FHL5: variants seen among roughly 807,000 people sequenced by gnomAD.
FHL5 encodes four and a half LIM domains 5, also known as four and a half LIM domains protein 5.
Under a neutral mutation model 32.0 loss-of-function variants are expected in FHL5, and 33 were observed. The observed-to-expected ratio is 1.03, with a 90% CI of 0.78 to 1.38. FHL5 has a LOEUF of 1.38. Ranked by LOEUF, FHL5 falls within the 40% of genes most tolerant of loss-of-function variation. The pLI, the probability that FHL5 is intolerant of heterozygous loss-of-function variation, is 0.00. For missense variants in FHL5, 336 were observed against 343.9 expected, an observed-to-expected ratio of 0.98 and a Z score of 0.18; for synonymous variants, 114 against 113.6, an observed-to-expected ratio of 1.00 and a Z score of -0.02.
rs1413920687 is a variant in FHL5, at chr6:96,617,522, T to C, written c.*1750T>C. Among the ~76,000 whole-genome samples the C allele has an allele frequency of 6.6e-6, 1 of 152,230 alleles. No individual in the cohort carries two copies. The highest frequency in any genetic ancestry group is 6.5e-5 in the Admixed American group (1 of 15,280). The stretch of plus-strand genomic sequence containing the variant: ...TATTTTTGGATTAACAATGCCAAGG[T>C]ATTTTTTCATATTCACATTGAAAAA... On this transcript the variant is annotated 3_prime_UTR_variant, in exon 6 of 6. Transcript: ENST00000450218.
rs1435444934 is a variant in FHL5, at chr6:96,609,941, C to T, written c.505-631C>T. On this transcript the variant is annotated intron_variant, in intron 4 of 5. Transcript: ENST00000450218. ...TTGAGAATATTCAGAAGAGATCATC[C>T]TTAGCACGGTGGTAAGGACTGAAAA... 3.9e-5 allele frequency among the ~76,000 whole-genome samples: 6 copies of T among 152,296 alleles called. No individual in the cohort carries two copies. The East Asian group carries it at 9.7e-4, about 25-fold the overall frequency.
intron 1 of FHL5, among the ~76,000 whole-genome samples, chr6:96,574,481 A>C (rs1034974806): frequency 5.3e-5 from 8 of 152,196 alleles, no homozygotes; most frequent in Non-Finnish European, 1.0e-4. Flanking sequence ...TTTAAATTTC[A>C]TATGTCAAAA....
intron 1 of FHL5, 147 bp downstream of exon 1, chr6:96,563,502 G>A (rs937205966): frequency 1.3e-5 from 2 of 151,904 alleles, no homozygotes; most frequent in African/African-American, 4.8e-5. Flanking sequence ...TATGCCTTTT[G>A]AAGTTTCTTA....
chr6:96,595,143 A>G (rs997433231), intron 1 of FHL5, among the ~76,000 whole-genome samples: 17 of 151,590 alleles, frequency 1.1e-4, no homozygotes, highest in Non-Finnish European at 1.6e-4. Flanking sequence ...CACATTCTTT[A>G]GAATTCCCTT....
intron 4 of FHL5, among the ~76,000 whole-genome samples, chr6:96,608,713 C>A (rs1423586319): frequency 6.6e-6 from 1 of 152,160 alleles, no homozygotes; most frequent in Non-Finnish European, 1.5e-5. Context: ...TTATTGCCCC[C>A]ACTTTTTCAC....
intron 3 of FHL5, 54 bp from the exon 4 acceptor site, chr6:96,605,846 TAA>T: frequency 6.7e-7 from 1 of 1,484,068 alleles, no homozygotes; most frequent in Non-Finnish European, 9.2e-7. Context: ...TGTATTTGCT[TAA>T]AAAATAAAAT....
intron 1 of FHL5, among the ~76,000 whole-genome samples, chr6:96,587,766 C>T (rs1017197487): frequency 6.6e-6 from 1 of 152,172 alleles, no homozygotes; most frequent in Non-Finnish European, 1.5e-5. Flanking sequence ...AAAATAAAAG[C>T]ACATATTCAT....
At chr6:96,607,710 T>C (rs753871651) in intron 4 of FHL5, among the ~76,000 whole-genome samples, 2 of 151,972 alleles carry the variant, frequency 1.3e-5, no homozygotes, top group Non-Finnish European at 2.9e-5. Context: ...GAGCTGGGCA[T>C]GGTGGCTCAC....
rs1429537463 is a variant in FHL5 at position 96,604,715 on chromosome 6, C to G, written c.160-35C>G. ...CATAAAATGGCCTGTATTGTCACAA[C>G]CACATTTAATTAACTTTTATTTACT... On this transcript the variant is annotated intron_variant, in intron 2 of 5. Transcript: ENST00000450218. The G allele has an allele frequency of 3.2e-6, 5 of 1,559,340 alleles. No individual in the cohort carries two copies. The Admixed American group carries it at 5.3e-5, about 17-fold the overall frequency.
intron 1 of FHL5, among the ~76,000 whole-genome samples, chr6:96,588,524 C>G (rs796882993): frequency 8.5e-5 from 13 of 152,240 alleles, no homozygotes; most frequent in African/African-American, 3.1e-4. Context: ...TTGTCCTCAC[C>G]AACATTTGAT....
At chr6:96,584,435 ATGTGTGTG>A (rs141920939) in intron 1 of FHL5, among the ~76,000 whole-genome samples, 11 of 146,886 alleles carry the variant, frequency 7.5e-5, no homozygotes, top group African/African-American at 1.8e-4. Context: ...CAGGTGGGAT[ATGTGTGTG>A]TGTGTGTGTG....
chr6:96,601,967 T>C (rs1771157374), intron 1 of FHL5, among the ~76,000 whole-genome samples: 1 of 152,222 alleles, frequency 6.6e-6, no homozygotes, highest in Non-Finnish European at 1.5e-5. Context: ...CCATGTTCCA[T>C]TGCGAACTTT....
intron 5 of FHL5, among the ~76,000 whole-genome samples, chr6:96,611,685 C>G (rs1562066289): frequency 6.6e-6 from 1 of 152,174 alleles, no homozygotes; most frequent in Non-Finnish European, 1.5e-5. Flanking sequence ...CCTTCTTCAT[C>G]TTCAAATATG....
At chr6:96,566,393 C>T (rs1183876369) in intron 1 of FHL5, among the ~76,000 whole-genome samples, 3 of 151,752 alleles carry the variant, frequency 2.0e-5, no homozygotes, top group Non-Finnish European at 4.4e-5. Flanking sequence ...TTAATCCATT[C>T]GCCTATTGAT....
At chr6:96,585,524 G>A (rs1266604114) in intron 1 of FHL5, among the ~76,000 whole-genome samples, 1 of 151,880 alleles carries the variant, frequency 6.6e-6, no homozygotes, top group African/African-American at 2.4e-5. Context: ...CATTTATTTA[G>A]TAAAATTTAC....
chr6:96,602,659 T>C lies in FHL5; in HGVS notation c.-12-943T>C, dbSNP rs141727344. Among the ~76,000 whole-genome samples the C allele has an allele frequency of 1.6e-4, 25 of 152,204 alleles. No individual in the cohort carries two copies. The East Asian group carries it at 2.7e-3, about 16-fold the overall frequency. On this transcript the variant is annotated intron_variant, in intron 1 of 5. Coordinates refer to ENST00000450218, the MANE Select transcript of FHL5 (RefSeq NM_001322466.2). ...CAGAGTCCTTATCTATCACTGGCTT[T>C]ATGTTTCATATCAGCTTTTTTATTC... is the stretch of plus-strand genomic sequence containing the variant.
chr6:96,589,866 GT>G, intron 1 of FHL5, among the ~76,000 whole-genome samples: 1 of 151,916 alleles, frequency 6.6e-6, no homozygotes, highest in Non-Finnish European at 1.5e-5. Context: ...TAGTAATCTA[GT>G]TTCATTCTTT....
chr6:96,617,085 G>A lies in FHL5; in HGVS notation c.*1313G>A, dbSNP rs1771538091. On this transcript the variant is annotated 3_prime_UTR_variant, in exon 6 of 6. Transcript: ENST00000450218. ...AGCCTTAGTGAGAAGTCCATCACCA[G>A]GTTTATCTTTATACCAGACTTTAAC... Among the ~76,000 whole-genome samples, 1 of 152,120 alleles carries A rather than the reference G, an allele frequency of 6.6e-6. No individual in the cohort carries two copies. Among genetic ancestry groups the A allele is most frequent in the Non-Finnish European group, 1.5e-5 (1 of 68,020 alleles).
intron 1 of FHL5, among the ~76,000 whole-genome samples, chr6:96,590,325 A>G (rs1177762248): frequency 6.6e-6 from 1 of 151,866 alleles, no homozygotes; most frequent in African/African-American, 2.4e-5. Flanking sequence ...TATTCTTTCA[A>G]AGTCTTATAA....
Sources: allele counts gnomAD v4.1 joint callset (sites outside exome capture counted in the v4.1 genomes callset), GRCh38; gene constraint gnomAD v4.1.1; transcripts MANE v1.5; gene names NCBI Gene and HGNC (gene_info 2026-07-23, HGNC 2026-07-21).